The following RNF220 variants were observed in gnomAD, a reference collection of about 807,000 sequenced individuals.
The protein encoded by RNF220 is ring finger protein 220, also known as E3 ubiquitin-protein ligase RNF220.
RNF220 carries 7 observed loss-of-function variants against 67.1 expected under a neutral mutation model. That is an observed-to-expected ratio of 0.10 (90% CI 0.06 to 0.20). The LOEUF is 0.20. RNF220 is among the 10% of genes least tolerant of loss of function. The pLI, the probability that RNF220 is intolerant of heterozygous loss-of-function variation, is 1.00. For missense variants in RNF220, 565 were observed against 740.3 expected, an observed-to-expected ratio of 0.76 and a Z score of 2.75; for synonymous variants, 270 against 283.2, an observed-to-expected ratio of 0.95 and a Z score of 0.47.
intron 2 of RNF220, among the ~76,000 whole-genome samples, chr1:44,441,655 G>T (rs1452308651): frequency 6.6e-6 from 1 of 152,170 alleles, no homozygotes; most frequent in Non-Finnish European, 1.5e-5. Context: ...GGGGAGGAAA[G>T]AATTGAGGAG....
intron 2 of RNF220, among the ~76,000 whole-genome samples, chr1:44,549,332 C>CA (rs1662431503): frequency 6.6e-6 from 1 of 152,186 alleles, no homozygotes; most frequent in Non-Finnish European, 1.5e-5. Context: ...TGAACAATTG[C>CA]TAAGTGAAGG....
intron 2 of RNF220, among the ~76,000 whole-genome samples, chr1:44,511,916 C>CATGTGTGTGTGTGTGT (rs1553234670): frequency 6.8e-6 from 1 of 147,706 alleles, no homozygotes; most frequent in African/African-American, 2.5e-5. Flanking sequence ...CGTGTGTGTG[C>CATGTGTGTGTGTGTGT]GTGTGTGTGT....
chr1:44,500,021 C>A (rs1343102117), intron 2 of RNF220, among the ~76,000 whole-genome samples: 2 of 152,170 alleles, frequency 1.3e-5, no homozygotes, highest in Non-Finnish European at 2.9e-5. Flanking sequence ...GACCCTGGAC[C>A]AAGCCACTAC....
chr1:44,481,750 C>T (rs1436022169), intron 2 of RNF220, among the ~76,000 whole-genome samples: 1 of 152,082 alleles, frequency 6.6e-6, no homozygotes, highest in African/African-American at 2.4e-5. Flanking sequence ...AGAGAGAGAA[C>T]TTTTTTGTTC....
chr1:44,647,891 G>A (rs1040745191), intron 12 of RNF220, among the ~76,000 whole-genome samples: 5 of 152,140 alleles, frequency 3.3e-5, no homozygotes, highest in Admixed American at 6.5e-5. Flanking sequence ...TCCTGATTGA[G>A]TACATCTGTG....
At chr1:44,607,655 T>A (rs1048305084) in intron 2 of RNF220, among the ~76,000 whole-genome samples, 3 of 151,406 alleles carry the variant, frequency 2.0e-5, no homozygotes, top group Non-Finnish European at 2.9e-5. Context: ...GCCCAGCTAA[T>A]TTTTTTTGTA....
Position 44,412,258 on chromosome 1 carries a change from T to C in RNF220, c.161T>C (p.Val54Ala). 3 of 1,614,194 alleles carry C rather than the reference T, an allele frequency of 1.9e-6. No homozygotes were observed. The highest frequency in any genetic ancestry group is 2.5e-6 in the Non-Finnish European group (3 of 1,180,022). ...CGACCCTTTGGTGTACCTGTCTCAG[T>C]TGACAAGGACGTGCATATTCCTTTC... ...QPRPFGVPVSVDKDVHIPFTN... is the reference protein window; with the variant it reads ...QPRPFGVPVSADKDVHIPFTN... Residue 54 changes from valine to alanine, a missense_variant, in exon 2 of 15, where the codon GTT becomes GCT. By Grantham distance (64) the Val-to-Ala change is moderately conservative (BLOSUM62 0). Transcript: ENST00000361799. The surrounding 1 kb of genome is among the most constrained non-coding windows in gnomAD (Gnocchi z 5.3).
intron 2 of RNF220, among the ~76,000 whole-genome samples, chr1:44,546,006 G>A (rs1662111957): frequency 6.6e-6 from 1 of 152,146 alleles, no homozygotes; most frequent in Non-Finnish European, 1.5e-5. Flanking sequence ...AACTGAGTGA[G>A]GGGCATTCTG....
At position 44,417,649 on chromosome 1, in the gene RNF220, C is replaced by T. The variant is rs550443735; in HGVS notation, c.625+4927C>T. Among the ~76,000 whole-genome samples the T allele has an allele frequency of 2.0e-3, 306 of 152,350 alleles. 3 individuals carry two copies. Among genetic ancestry groups the T allele is most frequent in the African/African-American group, 7.2e-3 (299 of 41,582 alleles). On this transcript the variant is annotated intron_variant, in intron 2 of 14. Transcript: ENST00000361799. The surrounding 1 kb of genome is among the most constrained non-coding windows in gnomAD (Gnocchi z 4.0). ...CCTCCTCGCCCCGCGCCCTCCCTCC[C>T]ATCAATTGTCATGCAGAAGTGATCC...
chr1:44,479,763 A>T (rs1019602479), intron 2 of RNF220, among the ~76,000 whole-genome samples: 1 of 152,136 alleles, frequency 6.6e-6, no homozygotes, highest in African/African-American at 2.4e-5. Flanking sequence ...CAACCCCACA[A>T]ATTCTGGGTT....
intron 5 of RNF220, among the ~76,000 whole-genome samples, chr1:44,631,409 G>A (rs528962271): frequency 2.9e-4 from 44 of 152,336 alleles, no homozygotes; most frequent in Non-Finnish European, 5.9e-5. Context: ...TCTTCTGTGG[G>A]CACACCTGAG....
intron 2 of RNF220, among the ~76,000 whole-genome samples, chr1:44,427,467 A>C (rs1358639786): frequency 6.6e-6 from 1 of 152,116 alleles, no homozygotes. Flanking sequence ...CCCTCCCTGC[A>C]CTGTGAGTTC....
chr1:44,631,238 C>T (rs768832510), intron 5 of RNF220, among the ~76,000 whole-genome samples: 10 of 152,224 alleles, frequency 6.6e-5, no homozygotes, highest in Admixed American at 1.3e-4. Context: ...TGTACTCTTA[C>T]ACAAGGCAAA....
At chr1:44,500,026 C>T (rs550960877) in intron 2 of RNF220, among the ~76,000 whole-genome samples, 1 of 152,172 alleles carries the variant, frequency 6.6e-6, no homozygotes, top group Non-Finnish European at 1.5e-5. Context: ...TGGACCAAGC[C>T]ACTACTACTA....
intron 2 of RNF220, among the ~76,000 whole-genome samples, chr1:44,492,006 G>T (rs1183672574): frequency 1.3e-5 from 2 of 152,200 alleles, no homozygotes; most frequent in South Asian, 4.1e-4. Context: ...AGTACTGGAG[G>T]TTTTAGCTAG....
chr1:44,432,873 A>G (rs1650540302), intron 2 of RNF220, among the ~76,000 whole-genome samples: 1 of 144,914 alleles, frequency 6.9e-6, no homozygotes, highest in African/African-American at 2.5e-5. Context: ...GAGTTTTGGT[A>G]TGTATGTAAG....
chr1:44,639,471 T>C (rs1644426045), intron 8 of RNF220, among the ~76,000 whole-genome samples: 1 of 152,164 alleles, frequency 6.6e-6, no homozygotes, highest in Non-Finnish European at 1.5e-5. Flanking sequence ...GATGGAGAAA[T>C]TTCCCAGGAA....
chr1:44,493,282 G>A (rs767776017), intron 2 of RNF220, among the ~76,000 whole-genome samples: 3 of 152,224 alleles, frequency 2.0e-5, no homozygotes, highest in Non-Finnish European at 4.4e-5. Context: ...TTGGGAGGCC[G>A]AGGCGGGTGG....
intron 2 of RNF220, among the ~76,000 whole-genome samples, chr1:44,477,140 T>C (rs1159844963): frequency 1.3e-5 from 2 of 152,220 alleles, no homozygotes; most frequent in African/African-American, 4.8e-5. Context: ...TCCTAACATA[T>C]GCATATGAAG....
Sources: gnomAD v4.1 joint callset for allele counts (sites outside exome capture counted in the v4.1 genomes callset) on GRCh38, gnomAD v4.1.1 for gene constraint, Gnocchi (gnomAD v3.1) non-coding constraint, MANE v1.5 for transcripts, NCBI Gene and HGNC (gene_info 2026-07-23, HGNC 2026-07-21) for gene names.